EFCAB14: variants seen among roughly 807,000 people sequenced by gnomAD.
EFCAB14 encodes the protein EF-hand calcium binding domain 14, also known as EF-hand calcium-binding domain-containing protein 14.
Under a neutral mutation model 56.5 loss-of-function variants are expected in EFCAB14, and 43 were observed. The observed-to-expected ratio is 0.76, with a 90% CI of 0.60 to 0.98. The LOEUF (loss-of-function observed/expected upper bound fraction) is 0.98. EFCAB14 is among the 50% of genes least tolerant of loss of function. EFCAB14 has a pLI of 0.00. For synonymous variants in EFCAB14, 235 were observed against 212.9 expected (o/e 1.10, Z -0.90); for missense variants, 538 against 580.3 (o/e 0.93, Z 0.75).
rs1353966823 is a variant in EFCAB14 at position 46,689,594 on chromosome 1, A to C, written c.788T>G (p.Leu263Trp). 6.2e-7 allele frequency: 1 copy of C among 1,613,806 alleles called. No individual in the cohort carries two copies. Among genetic ancestry groups the C allele is most frequent in the East Asian group, 2.2e-5 (1 of 44,886 alleles). ...ELDNKTHSEN[L>W]KQDILYLHNS... ...GCCAGAGATAAAAAGCACCTGTTTC[A>C]AATTCTCACTGTGGGTTTTATTGTC... is the stretch of plus-strand genomic sequence containing the variant. Residue 263 changes from leucine to tryptophan, a missense_variant, in exon 6 of 11, where the codon TTG (leucine) becomes TGG (tryptophan). By Grantham distance (61) the Leu-to-Trp change is moderately conservative. Transcript: ENST00000371933.
At chr1:46,679,933 C>T (rs1231082733) in intron 10 of EFCAB14, among the ~76,000 whole-genome samples, 1 of 152,102 alleles carries the variant, frequency 6.6e-6, no homozygotes, top group Non-Finnish European at 1.5e-5. Flanking sequence ...AGTGCTCTTT[C>T]TACTATGTGA....
intron 5 of EFCAB14, among the ~76,000 whole-genome samples, chr1:46,690,245 G>A (rs1299914758): frequency 6.6e-6 from 1 of 152,100 alleles, no homozygotes; most frequent in Non-Finnish European, 1.5e-5. Context: ...CCTTCCCACT[G>A]CTCAAGTTTC....
intron 9 of EFCAB14, 99 bp from the exon 10 acceptor site, chr1:46,683,524 TA>T: frequency 8.1e-7 from 1 of 1,227,992 alleles, no homozygotes; most frequent in Non-Finnish European, 1.1e-6. Flanking sequence ...GATATACAAT[TA>T]ATTTAGAGAA....
intron 3 of EFCAB14, among the ~76,000 whole-genome samples, chr1:46,700,992 T>A (rs1212738221): frequency 6.6e-6 from 1 of 151,648 alleles, no homozygotes; most frequent in African/African-American, 2.4e-5. Flanking sequence ...AGTGAGTGTG[T>A]GTGTGTGTGT....
chr1:46,686,097 CTG>C (rs1676876697), intron 8 of EFCAB14, among the ~76,000 whole-genome samples: 2 of 152,180 alleles, frequency 1.3e-5, no homozygotes, highest in African/African-American at 4.8e-5. Context: ...CATAATCTTC[CTG>C]GCTTTTCTTT....
intron 1 of EFCAB14, among the ~76,000 whole-genome samples, chr1:46,717,591 C>T (rs964818823): frequency 1.3e-5 from 2 of 152,144 alleles, no homozygotes; most frequent in East Asian, 1.9e-4. Context: ...GTCTAGTCCC[C>T]AAAGCTTCTC....
intron 2 of EFCAB14, among the ~76,000 whole-genome samples, chr1:46,714,377 C>G (rs1677354581): frequency 6.6e-6 from 1 of 150,470 alleles, no homozygotes; most frequent in African/African-American, 2.5e-5. Context: ...AAACTGGTTC[C>G]TTTGCTTAGA....
intron 4 of EFCAB14, among the ~76,000 whole-genome samples, chr1:46,694,501 C>G (rs371357783): frequency 0.018 from 2,809 of 152,170 alleles, 46 homozygotes; most frequent in African/African-American, 0.043. Flanking sequence ...CTGGCCATCA[C>G]AGAAATGCAA....
intron 2 of EFCAB14, among the ~76,000 whole-genome samples, chr1:46,713,361 G>A (rs1677338489): frequency 6.6e-6 from 1 of 152,174 alleles, no homozygotes; most frequent in South Asian, 2.1e-4. Flanking sequence ...GGGGAATGTG[G>A]CTCAATGGTA....
At chr1:46,692,303 G>A (rs549182062) in intron 4 of EFCAB14, among the ~76,000 whole-genome samples, 3 of 152,340 alleles carry the variant, frequency 2.0e-5, no homozygotes, top group Non-Finnish European at 2.9e-5. Context: ...GCAGGCTGCC[G>A]AGCAGCATTC....
chr1:46,717,254 C>T lies in EFCAB14; in HGVS notation c.185+649G>A, dbSNP rs533035913. ...TTGTTTCTACATCCTCAGCAGAATC[C>T]TCTTTTCTTTTAGTGTGCTCTGAGA... On this transcript the variant is annotated intron_variant, in intron 1 of 10. Transcript: ENST00000371933. Among the ~76,000 whole-genome samples the T allele has an allele frequency of 2.0e-5, 3 of 152,292 alleles. No individual in the cohort carries two copies. The South Asian group carries it at 6.2e-4, about 32-fold the overall frequency.
intron 3 of EFCAB14, among the ~76,000 whole-genome samples, chr1:46,699,972 T>C (rs1677132086): frequency 6.6e-6 from 1 of 152,116 alleles, no homozygotes; most frequent in Admixed American, 6.6e-5. Flanking sequence ...GACAAGTCCA[T>C]GTTGGGAGGA....
At chr1:46,693,493 G>A (rs1014162042) in intron 4 of EFCAB14, among the ~76,000 whole-genome samples, 2 of 152,128 alleles carry the variant, frequency 1.3e-5, no homozygotes, top group African/African-American at 4.8e-5. Flanking sequence ...TTTGCAAAGA[G>A]ACAACACACT....
intron 2 of EFCAB14, among the ~76,000 whole-genome samples, chr1:46,708,915 T>C (rs1457654122): frequency 6.6e-6 from 1 of 151,060 alleles, no homozygotes; most frequent in East Asian, 2.0e-4. Flanking sequence ...ATATTAATAA[T>C]GGCTGGTCCT....
chr1:46,688,014 A>G (rs1676914665), intron 7 of EFCAB14, among the ~76,000 whole-genome samples: 1 of 152,164 alleles, frequency 6.6e-6, no homozygotes, highest in Non-Finnish European at 1.5e-5. Flanking sequence ...AAAAGACCCA[A>G]AAGGCCCTCG....
At chr1:46,684,824 C>T (rs1423598100) in intron 8 of EFCAB14, among the ~76,000 whole-genome samples, 1 of 152,184 alleles carries the variant, frequency 6.6e-6, no homozygotes. Context: ...CATTATGCTA[C>T]AGATGATCTG....
At chr1:46,682,210 CAG>C (rs1676807367) in intron 10 of EFCAB14, 1 of 152,140 alleles carries the variant, frequency 6.6e-6, no homozygotes, top group Admixed American at 6.6e-5. Context: ...ATGTGCTAAA[CAG>C]GGGCAAACAA....
intron 2 of EFCAB14, among the ~76,000 whole-genome samples, chr1:46,710,384 G>A (rs1677292092): frequency 6.6e-6 from 1 of 152,066 alleles, no homozygotes; most frequent in South Asian, 2.1e-4. Flanking sequence ...ACTATCTAGT[G>A]TTAACTCTAG....
chr1:46,718,078 G>C lies in EFCAB14; in HGVS notation c.10C>G (p.Arg4Gly). The C allele has an allele frequency of 6.2e-7, 1 of 1,613,796 alleles. No individual in the cohort carries two copies. The change falls in exon 1 of 11, where the codon CGC becomes GGC. Residue 4 changes from arginine to glycine, a missense_variant. Coordinates refer to ENST00000371933, the MANE Select transcript of EFCAB14 (RefSeq NM_014774.3). ...CCAATCAATGCATTGAGCTCTTTGC[G>C]CTTTTTCATCTTTTTGTGTGGGGTG... MKK[R>G]KELNALIGLA...
Sources: allele counts gnomAD v4.1 joint callset (sites outside exome capture counted in the v4.1 genomes callset), GRCh38; gene constraint gnomAD v4.1.1; transcripts MANE v1.5; gene names NCBI Gene and HGNC (gene_info 2026-07-23, HGNC 2026-07-21).